The following ZCCHC2 variants were observed in gnomAD, a reference collection of about 807,000 sequenced individuals.
The protein encoded by ZCCHC2 is zinc finger CCHC-type containing 2, also known as zinc finger CCHC domain-containing protein 2.
In ZCCHC2, 39 loss-of-function variants were observed where a neutral mutation model predicts 103.6. That is an observed-to-expected ratio of 0.38 (90% CI 0.29 to 0.49). ZCCHC2 has a LOEUF of 0.49. ZCCHC2 is among the 20% of genes least tolerant of loss of function. The pLI, the probability that ZCCHC2 is intolerant of heterozygous loss-of-function variation, is 0.96. For synonymous variants in ZCCHC2, 687 were observed against 608.9 expected (o/e 1.13, Z -1.89); for missense variants, 1,483 against 1,491.0 (o/e 0.99, Z 0.09).
chr18:62,546,739 T>C (rs891692671), intron 4 of ZCCHC2, among the ~76,000 whole-genome samples: 1 of 152,222 alleles, frequency 6.6e-6, no homozygotes, highest in Non-Finnish European at 1.5e-5. Context: ...GCTTCAGCTG[T>C]TTGTGCCTTG....
At chr18:62,542,317 T>A (rs1450747760) in intron 2 of ZCCHC2, among the ~76,000 whole-genome samples, 181 bp from the exon 3 acceptor site, 1 of 152,210 alleles carries the variant, frequency 6.6e-6, no homozygotes, top group Non-Finnish European at 1.5e-5. Flanking sequence ...GGATGGCACA[T>A]TGCTATGCTT....
At chr18:62,549,500 A>C (rs529540687) in intron 4 of ZCCHC2, among the ~76,000 whole-genome samples, 1 of 152,346 alleles carries the variant, frequency 6.6e-6, no homozygotes, top group Admixed American at 6.5e-5. Context: ...ATTTGTATAG[A>C]TTTTTGTATT....
chr18:62,567,547 C>T (rs965938496), intron 11 of ZCCHC2, among the ~76,000 whole-genome samples: 5 of 152,308 alleles, frequency 3.3e-5, no homozygotes, highest in South Asian at 2.1e-4. Flanking sequence ...CAGTCAGCGC[C>T]GTCAGCTGTC....
chr18:62,549,215 T>C (rs1915557761), intron 4 of ZCCHC2, among the ~76,000 whole-genome samples: 1 of 150,220 alleles, frequency 6.7e-6, no homozygotes, highest in African/African-American at 2.5e-5. Context: ...CGAGACTCCG[T>C]CTCAAAAAAA....
rs749856635 is a variant in ZCCHC2, at chr18:62,563,098, G to A, written c.1640G>A (p.Cys547Tyr). ...ATTGTGGATTGGAGGAAGCAAAGCTGTACCACCATTCAACACCCAGAGCAC... is the reference window on the plus strand; with the variant it reads ...ATTGTGGATTGGAGGAAGCAAAGCTATACCACCATTCAACACCCAGAGCAC... ...NGIVDWRKQS[C>Y]TTIQHPEHCV... The change falls in exon 9 of 14, where the codon TGT (cysteine) becomes TAT (tyrosine). Residue 547 changes from cysteine to tyrosine, a missense_variant. By Grantham distance (194) the Cys-to-Tyr change is radical. Around this residue, in one of 3 missense-constraint regions of ZCCHC2, gnomAD observed 884 missense variants for 907.5 expected, o/e 0.97. Transcript: ENST00000269499. 11 of 1,613,930 alleles carry A rather than the reference G, an allele frequency of 6.8e-6. No individual in the cohort carries two copies. In the South Asian group the frequency reaches 1.2e-4, roughly 18 times the overall value.
In ZCCHC2 at chr18:62,570,089, G is replaced by A; in HGVS notation, c.1847-14G>A. 6.3e-7 allele frequency: 1 copy of A among 1,575,530 alleles called. No individual in the cohort carries two copies. Among genetic ancestry groups the A allele is most frequent in the Non-Finnish European group, 8.6e-7 (1 of 1,161,660 alleles). ...ACTTAACATGATTTTTTAAAATAGT[G>A]TTGTTATTTTTAGATGTGAATTTGG... On this transcript the variant is annotated splice_polypyrimidine_tract_variant and intron_variant, in intron 11 of 13. Transcript: ENST00000269499.
chr18:62,548,509 G>A (rs1335330270), intron 4 of ZCCHC2, among the ~76,000 whole-genome samples: 2 of 152,178 alleles, frequency 1.3e-5, no homozygotes, highest in Non-Finnish European at 2.9e-5. Flanking sequence ...CTTTGGCTGT[G>A]TACAGATATT....
chr18:62,547,441 T>C (rs1229031284), intron 4 of ZCCHC2, among the ~76,000 whole-genome samples: 1 of 152,126 alleles, frequency 6.6e-6, no homozygotes, highest in Non-Finnish European at 1.5e-5. Flanking sequence ...TGCTGTAGTG[T>C]GGAAATATGA....
chr18:62,527,722 T>C (rs911758797), intron 1 of ZCCHC2, among the ~76,000 whole-genome samples: 5 of 152,212 alleles, frequency 3.3e-5, no homozygotes, highest in Admixed American at 2.6e-4. Context: ...TCTGTGTGAT[T>C]GTTACAATCC....
At chr18:62,553,135 C>T (rs1001683377) in intron 5 of ZCCHC2, among the ~76,000 whole-genome samples, 2 of 148,938 alleles carry the variant, frequency 1.3e-5, no homozygotes, top group African/African-American at 2.5e-5. Context: ...ATTTTCTGTG[C>T]ACATACATGC....
At chr18:62,564,938 C>T in intron 10 of ZCCHC2, 64 bp from the exon 11 acceptor site, 1 of 1,179,436 alleles carries the variant, frequency 8.5e-7, no homozygotes, top group Non-Finnish European at 1.2e-6. Flanking sequence ...TTTATCAATA[C>T]TGTACTGAAT....
In ZCCHC2 at chr18:62,523,405, C is replaced by G. The variant is rs1200941346; in HGVS notation, c.-20C>G. On this transcript the variant is annotated 5_prime_UTR_variant, in exon 1 of 14. Coordinates refer to ENST00000269499, the MANE Select transcript of ZCCHC2 (RefSeq NM_017742.6). Reference sequence around the variant, plus strand: ...CTCCCGCCCGCCCCCGCTCGCATGTCTGCGCCGCCCTAGCCGAGGATGCTG... The same window carrying G: ...CTCCCGCCCGCCCCCGCTCGCATGTGTGCGCCGCCCTAGCCGAGGATGCTG... The G allele has an allele frequency of 2.5e-6, 2 of 790,074 alleles. No homozygotes were observed. The highest frequency in any genetic ancestry group is 2.0e-5 in the African/African-American group (1 of 51,194). 48.9% of individuals were successfully genotyped at this position (790,074 alleles called of 1,614,324 possible).
rs1298869685 is a variant in ZCCHC2 at position 62,542,536 on chromosome 18, A to G, written c.1090A>G (p.Arg364Gly). 1 of 1,566,354 alleles carries G rather than the reference A, an allele frequency of 6.4e-7. No individual in the cohort carries two copies. The highest frequency in any genetic ancestry group is 2.3e-5 in the East Asian group (1 of 42,770). Residue 364 changes from arginine (R) to glycine (G), a missense_variant, in exon 3 of 14, where the codon AGA becomes GGA. Arg to Gly is a moderately radical substitution (Grantham distance 125, BLOSUM62 -2). This residue lies in a region of ZCCHC2 where 568 missense variants were observed against 525.1 expected (regional missense o/e 1.08). Coordinates refer to ENST00000269499, the MANE Select transcript of ZCCHC2 (RefSeq NM_017742.6). ...IEKIMLKGVQ[R>G]KRADKYWEYT... ...GAAGATAATGTTGAAAGGAGTCCAG[A>G]GAAAAAGAGCTGACAAATACTGGGA... is the stretch of plus-strand genomic sequence containing the variant.
intron 1 of ZCCHC2, among the ~76,000 whole-genome samples, chr18:62,528,899 G>T (rs568120011): frequency 6.6e-6 from 1 of 152,048 alleles, no homozygotes; most frequent in Admixed American, 6.5e-5. Flanking sequence ...AGTGGCTCAC[G>T]CCTGTAATTC....
intron 3 of ZCCHC2, 141 bp downstream of exon 3, chr18:62,542,715 T>C (rs930328862): frequency 5.6e-5 from 38 of 674,930 alleles, no homozygotes; most frequent in South Asian, 7.9e-5. Flanking sequence ...TTTTATCATA[T>C]ACTACTGCAT....
rs976512971 is a variant in ZCCHC2 at position 62,550,306 on chromosome 18, G to A, written c.1201-42G>A. The A allele has an allele frequency of 3.5e-6, 5 of 1,422,284 alleles. No homozygotes were observed. In the South Asian group the frequency reaches 4.8e-5, roughly 14 times the overall value. The allele number at this position is 1,422,284 out of a possible 1,614,324, so 88.1% of individuals were successfully genotyped here. ...TAACTTGTAACATCTTTACCAGTAA[G>A]TGAGAAACTTAACATTGGATATTGT... On this transcript the variant is annotated intron_variant, in intron 4 of 13. Coordinates refer to ENST00000269499, the MANE Select transcript of ZCCHC2 (RefSeq NM_017742.6).
intron 11 of ZCCHC2, among the ~76,000 whole-genome samples, chr18:62,569,616 TCA>T (rs1208263646): frequency 6.6e-6 from 1 of 151,958 alleles, no homozygotes; most frequent in African/African-American, 2.4e-5. Context: ...TGTCACCACC[TCA>T]CACTACCTCA....
rs2145524393 is a variant in ZCCHC2, at chr18:62,565,092, G to A, written c.1842G>A (p.Val614=). The change falls in exon 11 of 14, where the codon GTG becomes GTA. Residue 614 remains valine, a synonymous_variant. Transcript: ENST00000269499. The stretch of plus-strand genomic sequence containing the variant: ...CTCAGCATGCCCATGGTGGTACTGT[G>A]AAAGGTAAGAAGGTTATTTTTCTTT... ...STPQHAHGGT[V]KDVNLDIGSG... The A allele has an allele frequency of 6.2e-7, 1 of 1,609,480 alleles. No homozygotes were observed. The highest frequency in any genetic ancestry group is 2.2e-5 in the East Asian group (1 of 44,838).
intron 9 of ZCCHC2, among the ~76,000 whole-genome samples, chr18:62,564,048 A>G (rs1378113467): frequency 2.6e-5 from 4 of 152,218 alleles, no homozygotes; most frequent in Non-Finnish European, 2.9e-5. Flanking sequence ...TCCCTGGCCA[A>G]CGCTCAGATC....
Sources: allele counts gnomAD v4.1 joint callset (sites outside exome capture counted in the v4.1 genomes callset), GRCh38; gene constraint gnomAD v4.1.1; regional missense constraint gnomAD v4.1.1; transcripts MANE v1.5; gene names NCBI Gene and HGNC (gene_info 2026-07-23, HGNC 2026-07-21).